The following MVB12A variants were observed in gnomAD, a reference collection of about 807,000 sequenced individuals.
MVB12A encodes the protein multivesicular body subunit 12A, also known as CIN85/CD2AP family binding protein.
A neutral mutation model predicts 34.3 loss-of-function variants in MVB12A; 30 were observed. That is an observed-to-expected ratio of 0.88 (90% CI 0.65 to 1.19). The LOEUF (loss-of-function observed/expected upper bound fraction) is 1.19. MVB12A is among the 50% of genes most tolerant of loss of function. The pLI, the probability that MVB12A is intolerant of heterozygous loss-of-function variation, is 0.00. For synonymous variants in MVB12A, 158 were observed against 158.9 expected (o/e 0.99, Z 0.04); for missense variants, 355 against 369.2 (o/e 0.96, Z 0.31).
chr19:17,420,602 G>A lies in MVB12A; in HGVS notation c.254G>A (p.Gly85Asp), dbSNP rs532609960. ...GTGGACAAGAGCCCCCTGCCGCTGG[G>A]CTTCTCCCCCGTCTGCGACCCCATG... ...IVVDKSPLPL[G>D]FSPVCDPMDS... The change falls in exon 3 of 9, where the codon GGC becomes GAC. Residue 85 changes from glycine to aspartate, a missense_variant. By Grantham distance (94) the Gly-to-Asp change is moderately conservative. Coordinates refer to ENST00000317040, the MANE Select transcript of MVB12A (RefSeq NM_138401.4). 42 of 1,613,662 alleles carry A rather than the reference G, an allele frequency of 2.6e-5. 1 individual carries two copies. The South Asian group carries it at 4.6e-4, about 18-fold the overall frequency.
At chr19:17,416,143 T>C (rs1390090834), upstream of MVB12A, among the ~76,000 whole-genome samples, 2 of 150,488 alleles carry the variant, frequency 1.3e-5, no homozygotes, top group Non-Finnish European at 3.0e-5. Context: ...AGTGCAGTGG[T>C]GTGATCTGGG....
At chr19:17,413,319 C>T (rs568723537) in intron 2 of MVB12A, 1 of 152,338 alleles carries the variant, frequency 6.6e-6, no homozygotes, top group African/African-American at 2.4e-5. Context: ...AGTTTCCCCC[C>T]ACCCCTCACC....
chr19:17,405,785 T>TC (rs2074723586), intron 1 of MVB12A: 9 of 502,994 alleles, frequency 1.8e-5, no homozygotes, highest in Non-Finnish European at 2.8e-5. Context: ...GGCTTTTTTT[T>TC]CACCCTGCTT....
At chr19:17,424,727 C>T (rs1568392875) in intron 8 of MVB12A, 50 bp downstream of exon 8, 2 of 1,556,026 alleles carry the variant, frequency 1.3e-6, no homozygotes, top group South Asian at 1.2e-5. Flanking sequence ...GGAGGAGGTG[C>T]CTGAGGGGCC....
At position 17,420,527 on chromosome 19, in the gene MVB12A, T is replaced by A; in HGVS notation, c.190-11T>A. 1 of 1,609,008 alleles carries A rather than the reference T, an allele frequency of 6.2e-7. No individual in the cohort carries two copies. The highest frequency in any genetic ancestry group is 1.3e-5 in the African/African-American group (1 of 74,872). On this transcript the variant is annotated splice_polypyrimidine_tract_variant and intron_variant, in intron 2 of 8. Transcript: ENST00000317040. Reference sequence around the variant, plus strand: ...CTAGCCACCCTCGCCGTGTCCCCCTTCCACCCCCAGAACCCGCAGGAGAAC... The same window carrying A: ...CTAGCCACCCTCGCCGTGTCCCCCTACCACCCCCAGAACCCGCAGGAGAAC...
chr19:17,415,959 A>G (rs995387184), upstream of MVB12A, among the ~76,000 whole-genome samples: 1 of 152,214 alleles, frequency 6.6e-6, no homozygotes, highest in Non-Finnish European at 1.5e-5. Context: ...AGAACATTAG[A>G]ACAGTAAGCT....
At position 17,424,667 on chromosome 19, in the gene MVB12A, T is replaced by TTGAGGAGGAGGTGGGTGCAGGGC; in HGVS notation, c.751_759+14dup. 1.9e-6 allele frequency: 3 copies of TTGAGGAGGAGGTGGGTGCAGGGC among 1,610,544 alleles called. No individual in the cohort carries two copies. The South Asian group carries it at 3.3e-5, about 18-fold the overall frequency. On this transcript the variant is annotated frameshift_variant, in exon 8 of 9. Transcript: ENST00000317040. LOFTEE classifies it high-confidence loss of function. ...CTGACCATCAAGTCTCTGGCGGACA[T>TTGAGGAGGAGGTGGGTGCAGGGC]TGAGGAGGAGGTGGGTGCAGGGCTA...
upstream of MVB12A, among the ~76,000 whole-genome samples, chr19:17,416,824 G>A (rs1056975217): frequency 6.0e-5 from 9 of 151,196 alleles, no homozygotes; most frequent in East Asian, 2.0e-4. Context: ...CTCAGTGTCC[G>A]GAGTAGCTGA....
At chr19:17,420,697 G>C in intron 3 of MVB12A, 63 bp downstream of exon 3, 1 of 1,227,464 alleles carries the variant, frequency 8.1e-7, no homozygotes, top group South Asian at 1.2e-5. Context: ...GGGGGAGGAG[G>C]GACGACGGGC....
At chr19:17,420,840 G>A in intron 3 of MVB12A, 1 of 652,688 alleles carries the variant, frequency 1.5e-6, no homozygotes, top group Admixed American at 2.2e-5. Context: ...GATTGGCACA[G>A]CCTGCATCCT....
rs144054597 is a variant in MVB12A at position 17,420,063 on chromosome 19, C to A, written c.-73C>A. ...CTGGGAGTTGTAGTTCGGTCGCGAG[C>A]GCTGCCGTCGGGAGGCGCTCCGAGG... On this transcript the variant is annotated 5_prime_UTR_variant, in exon 1 of 9. Coordinates refer to ENST00000317040, the MANE Select transcript of MVB12A (RefSeq NM_138401.4). The A allele has an allele frequency of 6.4e-3, 5,492 of 863,300 alleles. 26 individuals carry two copies. The highest frequency in any genetic ancestry group is 0.011 in the Middle Eastern group (23 of 2,124). The allele number at this position is 863,300 out of a possible 1,614,324, so 53.5% of individuals were successfully genotyped here.
intron 3 of MVB12A, 30 bp downstream of exon 3, chr19:17,420,664 C>T (rs1479991491): frequency 1.3e-6 from 2 of 1,522,692 alleles, no homozygotes; most frequent in African/African-American, 2.7e-5. Flanking sequence ...CGAGAGTTGT[C>T]CGGGTCCCTT....
chr19:17,410,429 C>T (rs756820798), intron 2 of MVB12A, among the ~76,000 whole-genome samples: 41 of 147,444 alleles, frequency 2.8e-4, no homozygotes, highest in Non-Finnish European at 5.6e-4. Context: ...CCTCAGCCCC[C>T]GCAAAGTGTT....
intron 4 of MVB12A, 93 bp downstream of exon 4, chr19:17,422,551 T>C: frequency 7.9e-7 from 1 of 1,268,494 alleles, no homozygotes; most frequent in South Asian, 1.7e-5. Context: ...TGAGGTCTCC[T>C]GTTCCTTCTT....
intron 2 of MVB12A, among the ~76,000 whole-genome samples, chr19:17,410,498 A>ATATATGTGTG (rs1491321172): frequency 8.3e-4 from 8 of 9,692 alleles, no homozygotes; most frequent in African/African-American, 2.2e-3. Context: ...TTTTAGCTTC[A>ATATATGTGTG]TATATATATA....
chr19:17,422,608 T>G, intron 4 of MVB12A, 150 bp downstream of exon 4: 2 of 668,514 alleles, frequency 3.0e-6, no homozygotes, highest in Non-Finnish European at 4.7e-6. Context: ...GGGACATATA[T>G]ATCATCTTGT....
intron 3 of MVB12A, among the ~76,000 whole-genome samples, chr19:17,421,499 A>AT (rs891255517): frequency 4.0e-5 from 6 of 150,828 alleles, no homozygotes; most frequent in African/African-American, 1.5e-4. Context: ...TTTTTTCTTT[A>AT]TTTTTTCTTA....
chr19:17,405,772 G>A lies in MVB12A; in HGVS notation c.-225+1G>A, dbSNP rs1228795154. ...TCAGTTTCAGTTTCCCAGAAAGGAG[G>A]TGGGCTTTTTTTTCACCCTGCTTTA... is the stretch of plus-strand genomic sequence containing the variant. On this transcript the variant is annotated splice_donor_variant, in intron 1 of 6. Transcript: ENST00000528604. LOFTEE classifies it low-confidence loss of function (5UTR_SPLICE). 1 of 411,990 alleles carries A rather than the reference G, an allele frequency of 2.4e-6. No homozygotes were observed. The highest frequency in any genetic ancestry group is 5.2e-5 in the African/African-American group (1 of 19,052). 25.5% of individuals were successfully genotyped at this position (411,990 alleles called of 1,614,324 possible).
chr19:17,422,197 T>G, intron 3 of MVB12A, 135 bp from the exon 4 acceptor site: 1 of 715,942 alleles, frequency 1.4e-6, no homozygotes, highest in Non-Finnish European at 2.3e-6. Flanking sequence ...TAACCACTCC[T>G]CCCACCCCCA....
Sources: allele counts gnomAD v4.1 joint callset (sites outside exome capture counted in the v4.1 genomes callset), GRCh38; gene constraint gnomAD v4.1.1; transcripts MANE v1.5; gene names NCBI Gene and HGNC (gene_info 2026-07-23, HGNC 2026-07-21).